The following LARGE1 variants were observed in gnomAD, a reference collection of about 807,000 sequenced individuals.
The protein encoded by LARGE1 is xylosyl- and glucuronyltransferase LARGE1.
In LARGE1, 43 loss-of-function variants were observed where a neutral mutation model predicts 87.6. That is an observed-to-expected ratio of 0.49 (90% CI 0.38 to 0.63). The LOEUF (loss-of-function observed/expected upper bound fraction) is 0.63, where lower values mean the gene tolerates loss of function less well. Ranked by LOEUF, LARGE1 falls within the 30% of genes least tolerant of loss-of-function variation. The pLI, the probability that LARGE1 is intolerant of heterozygous loss-of-function variation, is 0.00. For synonymous variants in LARGE1, 434 were observed against 394.6 expected (o/e 1.10, Z -1.18); for missense variants, 802 against 1,000.2 (o/e 0.80, Z 2.67).
chr22:33,516,224 C>T (rs986824814), intron 6 of LARGE1, among the ~76,000 whole-genome samples: 2 of 151,962 alleles, frequency 1.3e-5, no homozygotes, highest in African/African-American at 4.8e-5. Context: ...GGCTTAAAGG[C>T]GGGGAAACAG....
chr22:33,170,097 C>T (rs977422900), intron 11 of LARGE1, among the ~76,000 whole-genome samples: 2 of 151,856 alleles, frequency 1.3e-5, no homozygotes, highest in African/African-American at 4.8e-5. Flanking sequence ...GAGATTATTG[C>T]CCTGGGCTGG....
chr22:33,201,460 A>G (rs528971471), intron 11 of LARGE1, among the ~76,000 whole-genome samples: 4,579 of 152,138 alleles, frequency 0.03, 95 homozygotes, highest in Admixed American at 0.056. Flanking sequence ...AGGAGAAAAG[A>G]AAACATAGAA....
chr22:33,659,181 G>C (rs763436739), intron 2 of LARGE1, among the ~76,000 whole-genome samples: 7 of 152,080 alleles, frequency 4.6e-5, no homozygotes, highest in African/African-American at 7.2e-5. Context: ...CCAATCACAG[G>C]TCACCTTATT....
At chr22:33,348,389 C>T (rs1284827719) in intron 9 of LARGE1, among the ~76,000 whole-genome samples, 2 of 150,800 alleles carry the variant, frequency 1.3e-5, no homozygotes, top group East Asian at 3.9e-4. Context: ...TTCTGTTACT[C>T]CAAACTACCT....
rs969594508 is a variant in LARGE1 at position 33,370,753 on chromosome 22, T to C, written c.1131+11166A>G. Among the ~76,000 whole-genome samples the C allele has an allele frequency of 2.7e-5, 4 of 150,942 alleles. No individual in the cohort carries two copies. The East Asian group carries it at 7.7e-4, about 29-fold the overall frequency. ...ATAGGTGTTATAATAATACATATTA[T>C]ATTATAGAACATTATTATTGCATTA... On this transcript the variant is annotated intron_variant, in intron 9 of 14. Transcript: ENST00000397394.
intron 1 of LARGE1, among the ~76,000 whole-genome samples, chr22:33,787,108 T>C (rs1223360590): frequency 1.3e-5 from 2 of 152,136 alleles, no homozygotes; most frequent in Non-Finnish European, 2.9e-5. Context: ...TTTGCTTCAT[T>C]CCACGTTAAG....
At chr22:33,413,463 T>TA (rs1176271672) in intron 7 of LARGE1, among the ~76,000 whole-genome samples, 1 of 151,382 alleles carries the variant, frequency 6.6e-6, no homozygotes, top group Non-Finnish European at 1.5e-5. Context: ...TTTATTTTAT[T>TA]TTATTATTAT....
intron 3 of LARGE1, among the ~76,000 whole-genome samples, chr22:33,630,340 G>A (rs143524310): frequency 2.0e-4 from 30 of 152,302 alleles, no homozygotes; most frequent in African/African-American, 7.0e-4. Flanking sequence ...GTCATGCTTT[G>A]CTTAACAACA....
At chr22:33,380,935 G>A (rs1469386132) in intron 9 of LARGE1, among the ~76,000 whole-genome samples, 7 of 152,188 alleles carry the variant, frequency 4.6e-5, no homozygotes, top group Non-Finnish European at 8.8e-5. Context: ...ACTGTAGGGA[G>A]GGAATTCTAA....
intron 6 of LARGE1, among the ~76,000 whole-genome samples, chr22:33,479,781 G>A (rs1265250263): frequency 1.5e-5 from 2 of 137,102 alleles, no homozygotes; most frequent in African/African-American, 2.7e-5. Flanking sequence ...GTCTCACTTT[G>A]TCGCCCAGGC....
intron 7 of LARGE1, among the ~76,000 whole-genome samples, chr22:33,403,031 A>C (rs770721883): frequency 3.3e-5 from 5 of 151,430 alleles, no homozygotes; most frequent in Non-Finnish European, 5.9e-5. Flanking sequence ...TATGACTTAC[A>C]GGGCTATGGC....
intron 1 of LARGE1, among the ~76,000 whole-genome samples, chr22:33,784,907 ATATG>A (rs979184957): frequency 3.2e-5 from 4 of 123,604 alleles, no homozygotes; most frequent in Non-Finnish European, 5.5e-5. Context: ...ACTGTATATT[ATATG>A]TGTGTGTATA....
chr22:33,789,825 G>T (rs927336063), intron 1 of LARGE1, among the ~76,000 whole-genome samples: 8 of 152,176 alleles, frequency 5.3e-5, no homozygotes, highest in African/African-American at 1.9e-4. Flanking sequence ...TACTCCCATT[G>T]TATCTAGGAA....
At chr22:33,165,220 G>T (rs547975284) in exon 12 of LARGE1, 1 of 152,310 alleles carries the variant, frequency 6.6e-6, no homozygotes, top group Admixed American at 6.5e-5. Context: ...AGATCCTGAA[G>T]AAGCCACAAT....
At chr22:33,265,460 C>T (rs1205949455) in intron 11 of LARGE1, among the ~76,000 whole-genome samples, 3 of 151,928 alleles carry the variant, frequency 2.0e-5, no homozygotes, top group African/African-American at 7.3e-5. Flanking sequence ...TCTCACTTAC[C>T]GTTTTAACAG....
chr22:33,153,439 T>C, the LARGE1 span, among the ~76,000 whole-genome samples: 1 of 152,244 alleles, frequency 6.6e-6, no homozygotes, highest in African/African-American at 2.4e-5. Flanking sequence ...GTGAGTGATA[T>C]GGATTATATT....
chr22:33,679,684 G>C (rs994471234), intron 2 of LARGE1, among the ~76,000 whole-genome samples: 1 of 152,022 alleles, frequency 6.6e-6, no homozygotes, highest in Admixed American at 6.6e-5. Flanking sequence ...TCTACCAAAA[G>C]TACAAAAATT....
At chr22:33,532,853 C>T (rs1011755329) in intron 6 of LARGE1, among the ~76,000 whole-genome samples, 2 of 152,154 alleles carry the variant, frequency 1.3e-5, no homozygotes, top group Non-Finnish European at 2.9e-5. Context: ...ACCTGCTCAT[C>T]GATGATGTCC....
At chr22:33,780,174 T>C (rs2085374389) in intron 1 of LARGE1, among the ~76,000 whole-genome samples, 1 of 152,220 alleles carries the variant, frequency 6.6e-6, no homozygotes, top group Non-Finnish European at 1.5e-5. Context: ...ACAAGGACGC[T>C]GGTTGTAATG....
Sources: allele counts gnomAD v4.1 joint callset (sites outside exome capture counted in the v4.1 genomes callset), GRCh38; gene constraint gnomAD v4.1.1; transcripts MANE v1.5; gene names NCBI Gene and HGNC (gene_info 2026-07-23, HGNC 2026-07-21).